The following DST variants were observed in gnomAD, a reference collection of about 807,000 sequenced individuals.
DST encodes the protein dystonin.
DST carries 253 observed loss-of-function variants against 875.2 expected under a neutral mutation model. The ratio of observed to expected loss-of-function variants is 0.29; its 90% confidence interval spans 0.26 to 0.32. DST has a LOEUF of 0.32. Ranked by LOEUF, DST falls within the 10% of genes least tolerant of loss-of-function variation. DST has a pLI of 1.00. For synonymous variants in DST, 3,124 were observed against 3,197.1 expected, an observed-to-expected ratio of 0.98 and a Z score of 0.77; for missense variants, 8,287 against 9,111.6, an observed-to-expected ratio of 0.91 and a Z score of 3.68.
intron 36 of DST, chr6:56,616,419 A>G: frequency 6.2e-7 from 1 of 1,614,034 alleles, no homozygotes; most frequent in South Asian, 1.1e-5. Context: ...TACACGGTCA[A>G]TTCTGATCCT....
At chr6:56,720,396 T>C (rs1003247581) in intron 5 of DST, among the ~76,000 whole-genome samples, 1 of 151,410 alleles carries the variant, frequency 6.6e-6, no homozygotes, top group Non-Finnish European at 1.5e-5. Flanking sequence ...TGGGTGTTTC[T>C]CGGAGAGAGG....
At chr6:56,921,948 C>G (rs540427552) in intron 2 of DST, among the ~76,000 whole-genome samples, 2 of 152,264 alleles carry the variant, frequency 1.3e-5, no homozygotes, top group African/African-American at 2.4e-5. Flanking sequence ...ACATAGCCCC[C>G]ATTAAATGCT....
rs1445667459 is a variant in DST, at chr6:56,625,217, T to C, written c.4770A>G (p.Gln1590=). The change falls in exon 35 of 104, where the codon CAA becomes CAG. Residue 1590 remains glutamine (Q), a synonymous_variant. Transcript: ENST00000680361. ...TMTYRAMVDS[Q]QKSPVKRRRM... is the part of the protein sequence containing the mutation. ...TTCGGCGTTTCACTGGAGATTTTTG[T>C]TGTGAATCTACCATGGCCCGGTAGG... The C allele has an allele frequency of 1.2e-6, 2 of 1,613,522 alleles. No homozygotes were observed. Among genetic ancestry groups the C allele is most frequent in the Admixed American group, 1.7e-5 (1 of 59,984 alleles).
Position 56,597,934 on chromosome 6 carries a change from C to T in DST, c.12001G>A (p.Asp4001Asn). Reference protein sequence around the residue: ...ENLLDWLSNVDKDSERAGTKH... With the variant: ...ENLLDWLSNVNKDSERAGTKH... ...GTCCCTGCCCTTTCTGAGTCTTTGT[C>T]AACATTTGACAACCAGTCCAAAAGG... The change falls in exon 47 of 104, where the codon GAC becomes AAC. Residue 4001 changes from aspartate to asparagine, a missense_variant. Asp to Asn is a conservative substitution (Grantham distance 23). This residue lies in a region of DST where 1,513 missense variants were observed against 1,677.8 expected (regional missense o/e 0.90). Coordinates refer to ENST00000680361, the MANE Select transcript of DST (RefSeq NM_001374736.1). 1 of 1,613,452 alleles carries T rather than the reference C, an allele frequency of 6.2e-7. No homozygotes were observed. Among genetic ancestry groups the T allele is most frequent in the South Asian group, 1.1e-5 (1 of 90,966 alleles).
At chr6:56,516,514 T>C (rs1203021118) in intron 71 of DST, among the ~76,000 whole-genome samples, 1 of 152,204 alleles carries the variant, frequency 6.6e-6, no homozygotes, top group African/African-American at 2.4e-5. Context: ...ATCTGTGGTC[T>C]ACCTTAAAAG....
At chr6:56,738,033 A>G (rs1447185641) in intron 4 of DST, among the ~76,000 whole-genome samples, 1 of 152,198 alleles carries the variant, frequency 6.6e-6, no homozygotes, top group East Asian at 1.9e-4. Flanking sequence ...GAGTTCTCCT[A>G]CTTTAATGCC....
chr6:56,842,956 T>TGGAC, intron 4 of DST: 1 of 1,153,218 alleles, frequency 8.7e-7, no homozygotes, highest in Non-Finnish European at 1.1e-6. Context: ...GACACCTGTT[T>TGGAC]ACTCGTGCCC....
intron 4 of DST, among the ~76,000 whole-genome samples, chr6:56,737,208 A>G (rs2099528562): frequency 6.6e-6 from 1 of 152,214 alleles, no homozygotes; most frequent in African/African-American, 2.4e-5. Flanking sequence ...AAATAATAAA[A>G]TAACAATAAA....
At chr6:56,621,681 G>C (rs1166641655) in intron 36 of DST, among the ~76,000 whole-genome samples, 1 of 152,118 alleles carries the variant, frequency 6.6e-6, no homozygotes, top group Non-Finnish European at 1.5e-5. Flanking sequence ...ATTGATTATA[G>C]AACTACATGA....
chr6:56,590,535 T>C (rs528591462), intron 49 of DST, among the ~76,000 whole-genome samples: 28 of 152,148 alleles, frequency 1.8e-4, no homozygotes, highest in Middle Eastern at 3.4e-3. Flanking sequence ...CCACCACATA[T>C]CTTGTCCTTG....
chr6:56,670,133 C>CGTGCGT (rs2099093227), intron 10 of DST, among the ~76,000 whole-genome samples: 3 of 146,296 alleles, frequency 2.1e-5, no homozygotes, highest in Non-Finnish European at 3.0e-5. Flanking sequence ...AGCGCCCGTG[C>CGTGCGT]GTGTGTGTGT....
rs777837070 is a variant in DST at position 56,634,265 on chromosome 6, T to C, written c.3495-7A>G. ...CTGATACTGTTGCTCAATTCTGAAA[T>C]ACATGAAAGAGAACTCAGATTAATG... On this transcript the variant is annotated splice_region_variant and splice_polypyrimidine_tract_variant and intron_variant, in intron 26 of 103. Coordinates refer to ENST00000680361, the MANE Select transcript of DST (RefSeq NM_001374736.1). The C allele has an allele frequency of 2.5e-6, 4 of 1,613,706 alleles. No individual in the cohort carries two copies. The highest frequency in any genetic ancestry group is 3.4e-6 in the Non-Finnish European group (4 of 1,180,014).
intron 61 of DST, chr6:56,541,622 T>G (rs2097127995): frequency 1.3e-5 from 2 of 152,184 alleles, no homozygotes; most frequent in South Asian, 4.1e-4. Context: ...AGATAAGAAA[T>G]AAGATAAAGC....
At chr6:56,482,354 C>G in intron 89 of DST, 176 bp from the exon 90 acceptor site, 1 of 749,688 alleles carries the variant, frequency 1.3e-6, no homozygotes, top group Non-Finnish European at 1.9e-6. Flanking sequence ...CAAGAAAACA[C>G]TTAATATATT....
At chr6:56,555,902 T>G in intron 59 of DST, 62 bp from the exon 60 acceptor site, 2 of 1,387,676 alleles carry the variant, frequency 1.4e-6, no homozygotes, top group Non-Finnish European at 1.9e-6. Context: ...AAACACAGAT[T>G]TGGTGTCCAA....
chr6:56,843,479 TGCGGCGAGGGCGG>T, intron 4 of DST: 1 of 993,018 alleles, frequency 1.0e-6, no homozygotes, highest in Non-Finnish European at 1.2e-6. Context: ...GAGCGGGGCG[TGCGGCGAGGGCGG>T]GCGGGGGCCG....
chr6:56,720,500 G>C lies in DST; in HGVS notation c.687+14728C>G, dbSNP rs147178060. Among the ~76,000 whole-genome samples, 2,105 of 152,026 alleles carry C rather than the reference G, an allele frequency of 0.014. 120 individuals are homozygous for C. In the East Asian group the frequency reaches 0.2, roughly 14 times the overall value. ...GGTTTTCCTAGGCAGAGGTCCCTGCGGCCTTCTGCAGTGTTTGTGTCCCTG... is the reference window on the plus strand; with the variant it reads ...GGTTTTCCTAGGCAGAGGTCCCTGCCGCCTTCTGCAGTGTTTGTGTCCCTG... On this transcript the variant is annotated intron_variant, in intron 5 of 103. Transcript: ENST00000680361.
intron 50 of DST, among the ~76,000 whole-genome samples, chr6:56,578,476 G>A (rs754128077): frequency 4.6e-5 from 7 of 152,116 alleles, no homozygotes; most frequent in Non-Finnish European, 8.8e-5. Flanking sequence ...TTGGCCTTAA[G>A]TTGAAGGCCT....
intron 4 of DST, among the ~76,000 whole-genome samples, chr6:56,740,853 T>C (rs534960034): frequency 1.3e-5 from 2 of 152,220 alleles, no homozygotes; most frequent in South Asian, 4.2e-4. Context: ...ATATCCATAT[T>C]ATTCCCATTA....
Sources: allele counts gnomAD v4.1 joint callset (sites outside exome capture counted in the v4.1 genomes callset), GRCh38; gene constraint gnomAD v4.1.1; regional missense constraint gnomAD v4.1.1; transcripts MANE v1.5; gene names NCBI Gene and HGNC (gene_info 2026-07-23, HGNC 2026-07-21).